SENP6: variants seen among roughly 807,000 people sequenced by gnomAD.
SENP6 encodes the protein sentrin-specific protease 6.
A neutral mutation model predicts 134.5 loss-of-function variants in SENP6; 41 were observed. The ratio of observed to expected loss-of-function variants is 0.30; its 90% CI spans 0.24 to 0.40. SENP6 has a LOEUF of 0.40. SENP6 is among the 10% of genes least tolerant of loss of function. The pLI is 1.00. For synonymous variants in SENP6, 395 were observed against 429.8 expected (o/e 0.92, Z 1.00); for missense variants, 1,248 against 1,312.5 (o/e 0.95, Z 0.76).
intron 3 of SENP6, among the ~76,000 whole-genome samples, chr6:75,629,170 T>G (rs1768920892): frequency 6.6e-6 from 1 of 152,282 alleles, no homozygotes; most frequent in South Asian, 2.1e-4. Context: ...AAGATTTGAA[T>G]AGCTAGTATA....
chr6:75,659,792 C>G (rs1771634488), intron 8 of SENP6, among the ~76,000 whole-genome samples: 1 of 152,134 alleles, frequency 6.6e-6, no homozygotes, highest in African/African-American at 2.4e-5. Context: ...TCCCTCCTTC[C>G]TCCTGCCTAC....
At chr6:75,641,302 A>G (rs1330149734) in intron 6 of SENP6, among the ~76,000 whole-genome samples, 3 of 152,226 alleles carry the variant, frequency 2.0e-5, no homozygotes, top group East Asian at 1.9e-4. Context: ...TTAAAATAGA[A>G]TATTTCAGTG....
intron 3 of SENP6, among the ~76,000 whole-genome samples, chr6:75,628,592 A>G (rs1298815077): frequency 5.3e-5 from 8 of 152,322 alleles, no homozygotes; most frequent in Admixed American, 3.9e-4. Context: ...AAATTGACAC[A>G]TAACAATTGT....
In SENP6 at chr6:75,675,853, C is replaced by T. The variant is rs1773046016; in HGVS notation, c.1427-7C>T. ...ATTATTTTTCCATTTCATTTGTTTT[C>T]CTCCAGAACCAGACCATGATCCTGT... On this transcript the variant is annotated splice_region_variant and splice_polypyrimidine_tract_variant and intron_variant, in intron 12 of 23. Transcript: ENST00000447266. 6.4e-7 allele frequency: 1 copy of T among 1,562,680 alleles called. No homozygotes were observed. The highest frequency in any genetic ancestry group is 1.4e-5 in the African/African-American group (1 of 72,394).
At chr6:75,703,100 GA>G (rs1775153922) in intron 19 of SENP6, 28 bp downstream of exon 19, 1 of 1,490,222 alleles carries the variant, frequency 6.7e-7, no homozygotes. Flanking sequence ...TTGAAAGAAT[GA>G]AAAAATTCAG....
intron 7 of SENP6, chr6:75,654,895 C>T (rs1455648581): frequency 2.6e-5 from 4 of 152,148 alleles, no homozygotes; most frequent in Non-Finnish European, 1.5e-5. Flanking sequence ...TAACACTTTT[C>T]TGTTCTTGTT....
chr6:75,652,975 T>C (rs1771019470), intron 7 of SENP6, among the ~76,000 whole-genome samples: 1 of 152,194 alleles, frequency 6.6e-6, no homozygotes, highest in African/African-American at 2.4e-5. Context: ...AGCAACTCTT[T>C]GTTATCTTTG....
In SENP6 at chr6:75,637,529, TAA is replaced by T. The variant is rs1440718335; in HGVS notation, c.458+2721_458+2722del. Reference sequence around the variant, plus strand: ...AAGTATGGAAAAAAATGCAGAAATTTAAAAGTCTGTAGTTCATACCATCCCTG... The same window carrying T: ...AAGTATGGAAAAAAATGCAGAAATTTAAGTCTGTAGTTCATACCATCCCTG... On this transcript the variant is annotated intron_variant, in intron 5 of 23. Transcript: ENST00000447266. Among the ~76,000 whole-genome samples, 21 of 152,258 alleles carry T rather than the reference TAA, an allele frequency of 1.4e-4. No homozygotes were observed. In the East Asian group the frequency reaches 3.7e-3, roughly 27 times the overall value.
At chr6:75,669,168 G>C (rs1037136553) in intron 10 of SENP6, among the ~76,000 whole-genome samples, 1 of 152,044 alleles carries the variant, frequency 6.6e-6, no homozygotes, top group South Asian at 2.1e-4. Flanking sequence ...TGGCCAACAT[G>C]GTGAAACTCT....
rs1192811100 is a variant in SENP6, at chr6:75,621,631, G to T, written c.146+6G>T. ...GAAGGAGATACAGATAAAGAGTAAGGATTTTTTTTTCCCTCAGATGTTTTA... is the reference window on the plus strand; with the variant it reads ...GAAGGAGATACAGATAAAGAGTAAGTATTTTTTTTTCCCTCAGATGTTTTA... On this transcript the variant is annotated splice_donor_region_variant and intron_variant, in intron 2 of 23. Transcript: ENST00000447266. 4 of 1,546,608 alleles carry T rather than the reference G, an allele frequency of 2.6e-6. No homozygotes were observed. Among genetic ancestry groups the T allele is most frequent in the Non-Finnish European group, 3.5e-6 (4 of 1,128,030 alleles).
At chr6:75,629,084 T>C (rs1768914430) in intron 3 of SENP6, among the ~76,000 whole-genome samples, 1 of 152,172 alleles carries the variant, frequency 6.6e-6, no homozygotes, top group Non-Finnish European at 1.5e-5. Flanking sequence ...CATTTAAAAA[T>C]TAAAAATAAT....
intron 10 of SENP6, among the ~76,000 whole-genome samples, chr6:75,669,256 G>T (rs550967028): frequency 6.6e-6 from 1 of 152,114 alleles, no homozygotes; most frequent in Admixed American, 6.5e-5. Context: ...GGAGGCTGAC[G>T]CAGGAGAATT....
At chr6:75,640,607 A>G (rs1250087049) in intron 5 of SENP6, 77 bp from the exon 6 acceptor site, 18 of 863,796 alleles carry the variant, frequency 2.1e-5, no homozygotes, top group Admixed American at 1.6e-4. Context: ...CTTAATGACT[A>G]TAGTTACTGC....
At chr6:75,666,975 TA>T in intron 10 of SENP6, 34 bp downstream of exon 10, 3 of 1,434,252 alleles carry the variant, frequency 2.1e-6, no homozygotes, top group Non-Finnish European at 2.9e-6. Flanking sequence ...TTGTTCAGAT[TA>T]ATGCCTCCAT....
chr6:75,630,585 T>C (rs1338503636), intron 3 of SENP6, among the ~76,000 whole-genome samples: 3 of 152,170 alleles, frequency 2.0e-5, no homozygotes, highest in Non-Finnish European at 4.4e-5. Context: ...TTTAAACTAT[T>C]ATAGACTGGT....
Position 75,702,919 on chromosome 6 carries a change from T to C in SENP6, c.2563T>C (p.Cys855Arg). 1.9e-6 allele frequency: 3 copies of C among 1,614,022 alleles called. No individual in the cohort carries two copies. The highest frequency in any genetic ancestry group is 1.3e-5 in the African/African-American group (1 of 75,012). ...ESDPRYKRNI[C>R]SVKYSVKKIN... ...TGACCCTCGTTATAAGAGAAACATA[T>C]GCAGTGTAAAATACAGTGTGAAAAA... The change falls in exon 19 of 24, where the codon TGC becomes CGC. Residue 855 changes from cysteine (C) to arginine (R), a missense_variant. Around this residue, in one of 3 missense-constraint regions of SENP6, gnomAD observed 386 missense variants for 395.0 expected, o/e 0.98. Transcript: ENST00000447266.
intron 5 of SENP6, among the ~76,000 whole-genome samples, chr6:75,635,438 T>C (rs554242199): frequency 1.3e-3 from 201 of 152,262 alleles, no homozygotes; most frequent in African/African-American, 4.7e-3. Context: ...CTAGTAACAT[T>C]TTAAGATTTG....
chr6:75,683,541 A>C (rs145085536), intron 16 of SENP6, among the ~76,000 whole-genome samples: 764 of 152,272 alleles, frequency 5.0e-3, no homozygotes, highest in Non-Finnish European at 8.2e-3. Context: ...TCTAACATTT[A>C]AGTCTTTAAT....
chr6:75,663,326 A>G lies in SENP6; in HGVS notation c.802A>G (p.Thr268Ala). ...TTCTGGAGGACAGAAGTCACAAAACACAGGATTAACAACCAAGAAGTTTTA... is the reference window on the plus strand; with the variant it reads ...TTCTGGAGGACAGAAGTCACAAAACGCAGGATTAACAACCAAGAAGTTTTA... Reference protein sequence around the residue: ...QNSGGQKSQNTGLTTKKFYGN... With the variant: ...QNSGGQKSQNAGLTTKKFYGN... The change falls in exon 9 of 24, where the codon ACA becomes GCA. Residue 268 changes from threonine to alanine, a missense_variant. Thr to Ala is a moderately conservative substitution (Grantham distance 58). Coordinates refer to ENST00000447266, the MANE Select transcript of SENP6 (RefSeq NM_015571.4). 3 of 1,613,800 alleles carry G rather than the reference A, an allele frequency of 1.9e-6. No homozygotes were observed. Among genetic ancestry groups the G allele is most frequent in the Non-Finnish European group, 2.5e-6 (3 of 1,179,830 alleles).
Sources: allele counts gnomAD v4.1 joint callset (sites outside exome capture counted in the v4.1 genomes callset), GRCh38; gene constraint gnomAD v4.1.1; regional missense constraint gnomAD v4.1.1; transcripts MANE v1.5; gene names NCBI Gene and HGNC (gene_info 2026-07-23, HGNC 2026-07-21).